The following UTP18 variants were observed in gnomAD, a reference collection of about 807,000 sequenced individuals.
UTP18 encodes U3 small nucleolar RNA-associated protein 18 homolog.
Under a neutral mutation model 61.1 loss-of-function variants are expected in UTP18, and 36 were observed. That is an observed-to-expected ratio of 0.59 (90% CI 0.45 to 0.78). The LOEUF is 0.78. UTP18 is among the 30% of genes least tolerant of loss of function. UTP18 has a pLI of 0.00. For missense variants in UTP18, 753 were observed against 693.9 expected (o/e 1.09, Z -0.96); for synonymous variants, 282 against 251.1 (o/e 1.12, Z -1.16).
intron 1 of UTP18, among the ~76,000 whole-genome samples, chr17:51,261,967 G>A (rs542167907): frequency 6.6e-6 from 1 of 152,324 alleles, no homozygotes; most frequent in Admixed American, 6.5e-5. Context: ...ACGGAGGTGG[G>A]AGCTGTTGGG....
intron 11 of UTP18, among the ~76,000 whole-genome samples, chr17:51,291,114 C>T (rs973736553): frequency 6.6e-6 from 1 of 152,212 alleles, no homozygotes; most frequent in Non-Finnish European, 1.5e-5. Flanking sequence ...TATTAGAAAG[C>T]TGGCTGCGGT....
At chr17:51,271,614 C>G (rs1478288972) in intron 4 of UTP18, among the ~76,000 whole-genome samples, 1 of 151,778 alleles carries the variant, frequency 6.6e-6, no homozygotes, top group African/African-American at 2.4e-5. Context: ...CAAATTCTCT[C>G]TACAGCTAAT....
intron 7 of UTP18, among the ~76,000 whole-genome samples, 196 bp downstream of exon 7, chr17:51,277,500 T>A (rs1264733417): frequency 6.6e-6 from 1 of 152,204 alleles, no homozygotes; most frequent in Non-Finnish European, 1.5e-5. Flanking sequence ...ACTGAACACT[T>A]ACGGAATGAT....
At position 51,276,330 on chromosome 17, in the gene UTP18, C is replaced by T. The variant is rs370389332; in HGVS notation, c.837+339C>T. Among the ~76,000 whole-genome samples the T allele has an allele frequency of 6.6e-5, 10 of 152,164 alleles. No individual in the cohort carries two copies. The South Asian group carries it at 1.5e-3, about 22-fold the overall frequency. ...AATGCACCTGTATGACTTCAGTGTA[C>T]AAGGAACCATAATAATAGGGGATTT... is the stretch of plus-strand genomic sequence containing the variant. On this transcript the variant is annotated intron_variant, in intron 6 of 13. Coordinates refer to ENST00000225298, the MANE Select transcript of UTP18 (RefSeq NM_016001.3).
At chr17:51,285,598 G>T (rs963716178) in intron 10 of UTP18, among the ~76,000 whole-genome samples, 2 of 152,122 alleles carry the variant, frequency 1.3e-5, no homozygotes, top group Non-Finnish European at 2.9e-5. Flanking sequence ...TGTGGTTTTA[G>T]TTACCTGTGG....
Position 51,275,989 on chromosome 17 carries a change from C to T in UTP18, c.835C>T (p.Gln279Ter). The T allele has an allele frequency of 3.7e-6, 6 of 1,600,764 alleles. No individual in the cohort carries two copies. Among genetic ancestry groups the T allele is most frequent in the Non-Finnish European group, 5.1e-6 (6 of 1,176,090 alleles). Residue 279 changes from glutamine to a stop codon, truncating the protein, a stop_gained and splice_region_variant, in exon 6 of 14, where the codon CAG becomes TAG. Coordinates refer to ENST00000225298, the MANE Select transcript of UTP18 (RefSeq NM_016001.3). LOFTEE classifies it high-confidence loss of function. ...ATTAGATAATGCTGTATCACTATTT[C>T]AGGTATGCATCTTTATTTACTTATT... ...AGLDNAVSLFQVDGKTNPKIQ... is the reference protein window; with the variant it reads ...AGLDNAVSLF
intron 10 of UTP18, 39 bp downstream of exon 10, chr17:51,285,407 T>C: frequency 6.3e-7 from 1 of 1,599,240 alleles, no homozygotes; most frequent in Admixed American, 1.7e-5. Context: ...AATCACATTG[T>C]GCTAATGAGA....
At chr17:51,276,902 C>T (rs149830134) in intron 6 of UTP18, among the ~76,000 whole-genome samples, 27 of 152,278 alleles carry the variant, frequency 1.8e-4, no homozygotes, top group African/African-American at 6.0e-4. Flanking sequence ...TCAGCACCTC[C>T]GTGTGTTCAG....
intron 11 of UTP18, among the ~76,000 whole-genome samples, chr17:51,289,350 C>T (rs1350030319): frequency 1.3e-5 from 2 of 149,836 alleles, no homozygotes. Flanking sequence ...GCATGCGCCA[C>T]CACGCCCAGC....
intron 4 of UTP18, among the ~76,000 whole-genome samples, chr17:51,271,817 A>G (rs757647420): frequency 6.6e-6 from 1 of 151,044 alleles, no homozygotes; most frequent in Non-Finnish European, 1.5e-5. Flanking sequence ...ACAGGTGTGC[A>G]CTACCATGCC....
At chr17:51,262,199 A>G (rs953006041) in intron 1 of UTP18, among the ~76,000 whole-genome samples, 17 of 151,398 alleles carry the variant, frequency 1.1e-4, no homozygotes, top group Non-Finnish European at 2.5e-4. Context: ...CTCCTGCCTC[A>G]GCCTCTGGAG....
chr17:51,294,890 C>T (rs1350688628), intron 12 of UTP18, among the ~76,000 whole-genome samples: 3 of 152,306 alleles, frequency 2.0e-5, no homozygotes, highest in Middle Eastern at 6.8e-3. Flanking sequence ...TTAATGATCG[C>T]CATTCTAACT....
chr17:51,269,294 C>CAAAAAAA (rs58681434), intron 4 of UTP18, among the ~76,000 whole-genome samples: 12 of 66,668 alleles, frequency 1.8e-4, no homozygotes, highest in Non-Finnish European at 2.5e-4. Context: ...GACTCTGTCT[C>CAAAAAAA]AAAAAAAAAA....
At chr17:51,275,176 A>G (rs948798558) in intron 5 of UTP18, among the ~76,000 whole-genome samples, 2 of 151,344 alleles carry the variant, frequency 1.3e-5, no homozygotes, top group Non-Finnish European at 1.5e-5. Context: ...CAGCCTGGGC[A>G]ACAAGAGTGA....
At chr17:51,295,351 T>A (rs888352494) in intron 12 of UTP18, among the ~76,000 whole-genome samples, 3 of 152,194 alleles carry the variant, frequency 2.0e-5, no homozygotes, top group African/African-American at 7.2e-5. Flanking sequence ...TGTAAGTCTT[T>A]AATCCATCTT....
chr17:51,285,070 A>AT (rs1905060915), intron 9 of UTP18, among the ~76,000 whole-genome samples, 175 bp from the exon 10 acceptor site: 1 of 152,086 alleles, frequency 6.6e-6, no homozygotes, highest in Admixed American at 6.6e-5. Context: ...TCAAAAAAAA[A>AT]AAAAGGAAAA....
At chr17:51,296,715 T>C (rs905438247) in intron 12 of UTP18, 1 of 414,834 alleles carries the variant, frequency 2.4e-6, no homozygotes, top group African/African-American at 2.1e-5. Context: ...ATTGTTTATG[T>C]CTGATCAGGT....
Position 51,263,268 on chromosome 17 carries a change from C to T in UTP18, c.343-6C>T, listed in dbSNP as rs371259677. ...TCAGTGCTTGAGGGTGTTTTGTCTG[C>T]TGTAGGTTCAAGAACATGAAGACTC... On this transcript the variant is annotated splice_region_variant and splice_polypyrimidine_tract_variant and intron_variant, in intron 1 of 13. Coordinates refer to ENST00000225298, the MANE Select transcript of UTP18 (RefSeq NM_016001.3). 12 of 1,612,968 alleles carry T rather than the reference C, an allele frequency of 7.4e-6. No homozygotes were observed. The highest frequency in any genetic ancestry group is 5.0e-5 in the Admixed American group (3 of 59,980).
intron 12 of UTP18, among the ~76,000 whole-genome samples, chr17:51,294,323 A>G (rs1479563787): frequency 2.0e-5 from 3 of 148,998 alleles, no homozygotes; most frequent in African/African-American, 7.4e-5. Flanking sequence ...AGCATTAGGT[A>G]TATCTCCTAA....
Sources: gnomAD v4.1 joint callset for allele counts (sites outside exome capture counted in the v4.1 genomes callset) on GRCh38, gnomAD v4.1.1 for gene constraint, MANE v1.5 for transcripts, NCBI Gene and HGNC (gene_info 2026-07-23, HGNC 2026-07-21) for gene names.